The following RIMS2 variants were observed in gnomAD, a reference collection of about 807,000 sequenced individuals.
RIMS2 encodes the protein regulating synaptic membrane exocytosis 2, also known as regulating synaptic membrane exocytosis protein 2.
In RIMS2, 59 loss-of-function variants were observed where a neutral mutation model predicts 174.4. The ratio of observed to expected loss-of-function variants is 0.34; its 90% CI spans 0.27 to 0.42. The LOEUF is 0.42. Among genes scored for constraint, RIMS2 ranks in the 10% least tolerant of loss-of-function variants. The pLI is 1.00. For synonymous variants in RIMS2, 606 were observed against 572.5 expected (o/e 1.06, Z -0.84); for missense variants, 1,620 against 1,666.3 (o/e 0.97, Z 0.48).
At chr8:103,513,794 A>G (rs910422550) in intron 1 of RIMS2, among the ~76,000 whole-genome samples, 5 of 152,220 alleles carry the variant, frequency 3.3e-5, no homozygotes, top group African/African-American at 1.2e-4. Flanking sequence ...TGTGACCATT[A>G]TCACCAGCTA....
chr8:104,169,107 G>C (rs951387889), intron 19 of RIMS2, among the ~76,000 whole-genome samples: 1 of 151,474 alleles, frequency 6.6e-6, no homozygotes, highest in Non-Finnish European at 1.5e-5. Context: ...ATATTGGTCT[G>C]TAGTTTTCTT....
At chr8:104,177,616 C>T (rs1379076693) in intron 19 of RIMS2, among the ~76,000 whole-genome samples, 2 of 152,176 alleles carry the variant, frequency 1.3e-5, no homozygotes, top group Non-Finnish European at 2.9e-5. Context: ...GGAATAATCA[C>T]ATATTGGATT....
intron 19 of RIMS2, among the ~76,000 whole-genome samples, chr8:104,051,254 GTATA>G (rs757201127): frequency 6.7e-6 from 1 of 148,926 alleles, no homozygotes; most frequent in East Asian, 2.0e-4. Flanking sequence ...AAGTGTGTGT[GTATA>G]TATATATATA....
At chr8:103,814,726 A>AAAATT (rs1293242799) in intron 3 of RIMS2, among the ~76,000 whole-genome samples, 1 of 152,110 alleles carries the variant, frequency 6.6e-6, no homozygotes, top group African/African-American at 2.4e-5. Flanking sequence ...AAGAAAATCA[A>AAAATT]AAATTATTCA....
At chr8:104,101,355 C>G (rs1253630148) in intron 19 of RIMS2, among the ~76,000 whole-genome samples, 1 of 151,936 alleles carries the variant, frequency 6.6e-6, no homozygotes, top group Non-Finnish European at 1.5e-5. Flanking sequence ...TCTCAAACTC[C>G]TGACTTCAAG....
At chr8:104,031,232 T>G (rs2096385667) in intron 19 of RIMS2, among the ~76,000 whole-genome samples, 1 of 152,140 alleles carries the variant, frequency 6.6e-6, no homozygotes, top group African/African-American at 2.4e-5. Flanking sequence ...TGAAATGTAT[T>G]TATGAATTTT....
intron 16 of RIMS2, among the ~76,000 whole-genome samples, chr8:103,986,548 C>T (rs1192137653): frequency 6.6e-6 from 1 of 152,018 alleles, no homozygotes; most frequent in Non-Finnish European, 1.5e-5. Context: ...AAATAGCAAC[C>T]ATTATGAAAT....
intron 1 of RIMS2, among the ~76,000 whole-genome samples, chr8:103,627,366 T>G (rs1287557450): frequency 6.6e-6 from 1 of 152,222 alleles, no homozygotes; most frequent in Non-Finnish European, 1.5e-5. Flanking sequence ...TGATTTCATA[T>G]TGTTCAAACA....
chr8:103,913,332 T>C (rs1464501868), intron 6 of RIMS2, among the ~76,000 whole-genome samples: 1 of 151,940 alleles, frequency 6.6e-6, no homozygotes, highest in Non-Finnish European at 1.5e-5. Context: ...TCCTAGCTAC[T>C]GAGGAGGCTG....
chr8:104,052,401 G>A (rs1344705557), intron 19 of RIMS2, among the ~76,000 whole-genome samples: 1 of 152,002 alleles, frequency 6.6e-6, no homozygotes, highest in Non-Finnish European at 1.5e-5. Flanking sequence ...CCAAGATAGG[G>A]GTCCACAGGG....
intron 1 of RIMS2, among the ~76,000 whole-genome samples, chr8:103,677,910 T>A (rs917114555): frequency 6.6e-6 from 1 of 152,182 alleles, no homozygotes; most frequent in African/African-American, 2.4e-5. Context: ...TTATTCTGTA[T>A]GTATGTGTGT....
At chr8:103,506,541 A>G (rs1823717422) in intron 1 of RIMS2, among the ~76,000 whole-genome samples, 1 of 152,012 alleles carries the variant, frequency 6.6e-6, no homozygotes, top group Admixed American at 6.6e-5. Context: ...CATCTATACT[A>G]TTTGAGTAAT....
intron 15 of RIMS2, 34 bp from the exon 18 acceptor site, chr8:103,975,316 A>G: frequency 1.3e-6 from 2 of 1,521,692 alleles, no homozygotes; most frequent in African/African-American, 1.4e-5. Flanking sequence ...TTGTACATAC[A>G]TAACTATAAT....
chr8:103,929,590 C>T (rs2079501616), intron 11 of RIMS2, among the ~76,000 whole-genome samples: 1 of 151,528 alleles, frequency 6.6e-6, no homozygotes, highest in African/African-American at 2.4e-5. Flanking sequence ...AAAAATGAAG[C>T]CATAAACTCT....
At chr8:104,155,035 A>G (rs1329893932) in intron 19 of RIMS2, among the ~76,000 whole-genome samples, 1 of 152,028 alleles carries the variant, frequency 6.6e-6, no homozygotes, top group African/African-American at 2.4e-5. Context: ...TTCACCTAGT[A>G]TTCTCAGTCT....
chr8:104,216,795 T>C (rs895625), intron 19 of RIMS2, among the ~76,000 whole-genome samples: 49,006 of 152,078 alleles, frequency 0.32, 8,091 homozygotes, highest in African/African-American at 0.39. Flanking sequence ...GGATTCTATC[T>C]GTATTTGTTC....
At chr8:103,961,073 A>G in exon 15 of RIMS2, 2 of 1,477,766 alleles carry the variant, frequency 1.4e-6, no homozygotes, top group Non-Finnish European at 1.9e-6. Flanking sequence ...AGGGTCAAAG[A>G]GAATAAGTGA....
chr8:103,976,218 G>A (rs1012577729), intron 16 of RIMS2: 1 of 152,132 alleles, frequency 6.6e-6, no homozygotes, highest in Non-Finnish European at 1.5e-5. Context: ...AGATGGTTTT[G>A]TTTATTTAAG....
chr8:104,176,359 G>C (rs1273745908), intron 19 of RIMS2, among the ~76,000 whole-genome samples: 5 of 152,034 alleles, frequency 3.3e-5, no homozygotes, highest in African/African-American at 9.7e-5. Context: ...GAACAACCTA[G>C]AAACCTTCTC....
Sources: gnomAD v4.1 joint callset for allele counts (sites outside exome capture counted in the v4.1 genomes callset) on GRCh38, gnomAD v4.1.1 for gene constraint, MANE v1.5 for transcripts, NCBI Gene and HGNC (gene_info 2026-07-23, HGNC 2026-07-21) for gene names.